ARHGAP22: variants seen among roughly 807,000 people sequenced by gnomAD.
The protein encoded by ARHGAP22 is Rho GTPase activating protein 22.
In ARHGAP22, 48 loss-of-function variants were observed where a neutral mutation model predicts 59.1. The observed-to-expected ratio is 0.81, with a 90% CI of 0.64 to 1.03. The LOEUF (loss-of-function observed/expected upper bound fraction) is 1.03. Among genes scored for constraint, ARHGAP22 ranks in the 50% least tolerant of loss-of-function variants. The pLI is 0.00. For synonymous variants in ARHGAP22, 445 were observed against 416.4 expected (o/e 1.07, Z -0.84); for missense variants, 1,015 against 958.7 (o/e 1.06, Z -0.78).
At chr10:48,587,450 TA>T (rs2135704030) in intron 1 of ARHGAP22, among the ~76,000 whole-genome samples, 1 of 152,348 alleles carries the variant, frequency 6.6e-6, no homozygotes, top group East Asian at 1.9e-4. Flanking sequence ...TGAGAATTGC[TA>T]GTCAAATTAG....
chr10:48,558,835 A>G (rs778456564), intron 2 of ARHGAP22, among the ~76,000 whole-genome samples: 4 of 152,246 alleles, frequency 2.6e-5, no homozygotes, highest in African/African-American at 4.8e-5. Flanking sequence ...GTCTAGGGAC[A>G]CTAAAGGAAG....
At chr10:48,591,767 A>T (rs1269469056) in intron 1 of ARHGAP22, among the ~76,000 whole-genome samples, 5 of 152,260 alleles carry the variant, frequency 3.3e-5, no homozygotes, top group Admixed American at 3.3e-4. Flanking sequence ...CCAGCTATTC[A>T]GGAGGCTGAG....
At chr10:48,440,809 C>T in the ARHGAP22 span, among the ~76,000 whole-genome samples, 1 of 152,140 alleles carries the variant, frequency 6.6e-6, no homozygotes, top group Admixed American at 6.5e-5. Context: ...CCAAGAGAAG[C>T]AAGTGCAGTT....
intron 4 of ARHGAP22, among the ~76,000 whole-genome samples, chr10:48,470,668 A>T (rs933964636): frequency 3.9e-5 from 6 of 152,214 alleles, no homozygotes; most frequent in Non-Finnish European, 2.9e-5. Context: ...CACCAGAACT[A>T]GTCTCAAGTA....
At chr10:48,553,594 A>G (rs2057074418) in intron 3 of ARHGAP22, among the ~76,000 whole-genome samples, 1 of 152,208 alleles carries the variant, frequency 6.6e-6, no homozygotes, top group African/African-American at 2.4e-5. Flanking sequence ...GTCTGACGAC[A>G]TTCCCTATCT....
downstream of ARHGAP22, among the ~76,000 whole-genome samples, chr10:48,443,291 T>TTGGGA (rs199786323): frequency 1.1e-4 from 17 of 152,158 alleles, no homozygotes; most frequent in Admixed American, 1.1e-3. Flanking sequence ...TGTGAGTTAA[T>TTGGGA]GTAAAGCTCT....
In ARHGAP22 at chr10:48,635,426, G is replaced by A. The variant is rs114004228; in HGVS notation, c.52+16808C>T. ...AGTTCAGCCACAGCTGTGGTGAAAC[G>A]TCCCCTCTTAGGTGAGCCCACTGAT... On this transcript the variant is annotated intron_variant, in intron 1 of 9. Coordinates refer to the ARHGAP22 transcript ENST00000435790. 4.3e-3 allele frequency among the ~76,000 whole-genome samples: 661 copies of A among 152,286 alleles called. 2 individuals are homozygous for A. The highest frequency in any genetic ancestry group is 0.014 in the African/African-American group (599 of 41,566).
At chr10:48,557,323 A>C (rs1462237861) in intron 2 of ARHGAP22, among the ~76,000 whole-genome samples, 2 of 152,144 alleles carry the variant, frequency 1.3e-5, no homozygotes, top group African/African-American at 4.8e-5. Flanking sequence ...CCTGTGTCCC[A>C]AAATCTGTCA....
At chr10:48,586,618 T>G (rs2059440620) in intron 1 of ARHGAP22, among the ~76,000 whole-genome samples, 1 of 152,194 alleles carries the variant, frequency 6.6e-6, no homozygotes, top group East Asian at 1.9e-4. Context: ...ACCAAACAAT[T>G]ATGCCAATGT....
chr10:48,462,184 T>C (rs147553569), intron 4 of ARHGAP22, among the ~76,000 whole-genome samples: 1 of 144,820 alleles, frequency 6.9e-6, no homozygotes, highest in African/African-American at 2.6e-5. Context: ...GATGTGCGCT[T>C]ATAAACGTAT....
intron 3 of ARHGAP22, among the ~76,000 whole-genome samples, chr10:48,534,926 C>T (rs1435600880): frequency 1.3e-5 from 2 of 152,214 alleles, no homozygotes; most frequent in Non-Finnish European, 2.9e-5. Flanking sequence ...GTCAGTCCTG[C>T]ACACCTTTTA....
rs939555793 is a variant in ARHGAP22 at position 48,535,805 on chromosome 10, G to T, written c.322+19658C>A. On this transcript the variant is annotated intron_variant, in intron 3 of 9. Coordinates refer to ENST00000249601, the MANE Select transcript of ARHGAP22 (RefSeq NM_021226.4). ...TCAGTTCATGTGGACAACGAATGGG[G>T]TAGAAGGCCCTGAGGGTTGTCAGCA... 2.0e-5 allele frequency among the ~76,000 whole-genome samples: 3 copies of T among 152,348 alleles called. No homozygotes were observed. The East Asian group carries it at 5.8e-4, about 29-fold the overall frequency.
chr10:48,601,847 T>C (rs538299024), intron 1 of ARHGAP22, among the ~76,000 whole-genome samples: 3 of 152,350 alleles, frequency 2.0e-5, no homozygotes, highest in African/African-American at 7.2e-5. Flanking sequence ...CTAGATCTAA[T>C]CTCCATGTGT....
At chr10:48,554,731 T>C (rs889393435) in intron 3 of ARHGAP22, among the ~76,000 whole-genome samples, 1 of 152,192 alleles carries the variant, frequency 6.6e-6, no homozygotes, top group Non-Finnish European at 1.5e-5. Context: ...AAGCCTGTTC[T>C]GCACTGTGTC....
At chr10:48,579,502 C>A (rs890917460) in intron 2 of ARHGAP22, among the ~76,000 whole-genome samples, 1 of 152,258 alleles carries the variant, frequency 6.6e-6, no homozygotes, top group African/African-American at 2.4e-5. Flanking sequence ...TGTGACATGC[C>A]TTTGCCTGGT....
the ARHGAP22 span, chr10:48,435,068 G>T: frequency 1.3e-5 from 19 of 1,456,012 alleles, no homozygotes; most frequent in East Asian, 4.4e-4. Context: ...ATGGGGAGTC[G>T]GTTAGTCATT....
intron 4 of ARHGAP22, among the ~76,000 whole-genome samples, chr10:48,467,555 T>C (rs573470340): frequency 2.3e-4 from 35 of 151,998 alleles, no homozygotes; most frequent in Non-Finnish European, 4.7e-4. Context: ...AAAAATACTG[T>C]GAGTTACTAG....
At chr10:48,563,518 T>A (rs7911853) in intron 2 of ARHGAP22, among the ~76,000 whole-genome samples, 19,946 of 152,234 alleles carry the variant, frequency 0.13, 2,475 homozygotes, top group African/African-American at 0.33. Flanking sequence ...TAAGGTCAGA[T>A]GGTTAGCAAC....
chr10:48,545,088 T>C (rs2056314951), intron 3 of ARHGAP22, among the ~76,000 whole-genome samples: 1 of 152,198 alleles, frequency 6.6e-6, no homozygotes, highest in South Asian at 2.1e-4. Context: ...TAAATAAAAA[T>C]ACATTATTAA....
Sources: gnomAD v4.1 joint callset for allele counts (sites outside exome capture counted in the v4.1 genomes callset) on GRCh38, gnomAD v4.1.1 for gene constraint, MANE v1.5 for transcripts, NCBI Gene and HGNC (gene_info 2026-07-23, HGNC 2026-07-21) for gene names.